The following PDE3A variants were observed in gnomAD, a reference collection of about 807,000 sequenced individuals.
PDE3A encodes cGMP-inhibited 3',5'-cyclic phosphodiesterase 3A.
A neutral mutation model predicts 98.3 loss-of-function variants in PDE3A; 43 were observed. The observed-to-expected ratio is 0.44, with a 90% confidence interval of 0.34 to 0.56. The LOEUF is 0.56. Among genes scored for constraint, PDE3A ranks in the 20% least tolerant of loss-of-function variants. The pLI is 0.01. For synonymous variants in PDE3A, 663 were observed against 567.9 expected, an observed-to-expected ratio of 1.17 and a Z score of -2.38; for missense variants, 1,427 against 1,440.7, an observed-to-expected ratio of 0.99 and a Z score of 0.15.
intron 1 of PDE3A, among the ~76,000 whole-genome samples, chr12:20,537,327 T>C (rs1214368544): frequency 6.6e-6 from 1 of 152,158 alleles, no homozygotes; most frequent in Non-Finnish European, 1.5e-5. Context: ...ATCAGATTTA[T>C]GATTTGACAA....
At position 20,395,527 on chromosome 12, in the gene PDE3A, C is replaced by G. The variant is rs139820594; in HGVS notation, c.960+25283C>G. On this transcript the variant is annotated intron_variant, in intron 1 of 15. Coordinates refer to ENST00000359062, the MANE Select transcript of PDE3A (RefSeq NM_000921.5). Reference sequence around the variant, plus strand: ...GTATAATATGTATACTATGTGTACACATAGTATAATATGTATACTATGTGT... The same window carrying G: ...GTATAATATGTATACTATGTGTACAGATAGTATAATATGTATACTATGTGT... 5.6e-4 allele frequency among the ~76,000 whole-genome samples: 81 copies of G among 145,706 alleles called. No homozygotes were observed. The East Asian group carries it at 0.011, about 19-fold the overall frequency.
rs115557863 is a variant in PDE3A, at chr12:20,533,798, C to T, written c.961-22862C>T. Among the ~76,000 whole-genome samples, 625 of 152,114 alleles carry T rather than the reference C, an allele frequency of 4.1e-3. 5 individuals carry two copies. The highest frequency in any genetic ancestry group is 0.014 in the African/African-American group (588 of 41,508). ...ACCGCGCCCGGCCCCCACTTTCTTA[C>T]ACTGTATCTTTCTAAAGAATAAGTC... On this transcript the variant is annotated intron_variant, in intron 1 of 15. Coordinates refer to ENST00000359062, the MANE Select transcript of PDE3A (RefSeq NM_000921.5).
At chr12:20,653,306 A>G (rs1830568518) in intron 14 of PDE3A, among the ~76,000 whole-genome samples, 1 of 152,192 alleles carries the variant, frequency 6.6e-6, no homozygotes, top group Non-Finnish European at 1.5e-5. Flanking sequence ...GCTTTCTGGA[A>G]GCCAAAGCAA....
intron 5 of PDE3A, among the ~76,000 whole-genome samples, chr12:20,628,080 T>A (rs945951604): frequency 6.6e-6 from 1 of 152,154 alleles, no homozygotes; most frequent in Non-Finnish European, 1.5e-5. Flanking sequence ...TTCCTTTATT[T>A]TATAAAATTA....
intron 12 of PDE3A, 94 bp from the exon 13 acceptor site, chr12:20,648,594 G>A: frequency 2.5e-6 from 2 of 796,686 alleles, no homozygotes; most frequent in Non-Finnish European, 4.4e-6. Flanking sequence ...TTTGTTGTAT[G>A]AATAAAAAGC....
chr12:20,558,216 AC>A (rs1942420062), intron 2 of PDE3A, among the ~76,000 whole-genome samples: 1 of 151,782 alleles, frequency 6.6e-6, no homozygotes, highest in African/African-American at 2.4e-5. Flanking sequence ...AAAAAAAAAA[AC>A]CTCACAATTG....
At chr12:20,474,024 G>C (rs777820875) in intron 1 of PDE3A, among the ~76,000 whole-genome samples, 15 of 152,036 alleles carry the variant, frequency 9.9e-5, no homozygotes, top group Non-Finnish European at 2.2e-4. Context: ...GGTTAAATAT[G>C]GTATGTGCTT....
At chr12:20,462,866 T>A (rs1945276451) in intron 1 of PDE3A, among the ~76,000 whole-genome samples, 1 of 151,998 alleles carries the variant, frequency 6.6e-6, no homozygotes, top group South Asian at 2.1e-4. Context: ...CATGGCTCAC[T>A]GTAGCCTTGA....
intron 15 of PDE3A, among the ~76,000 whole-genome samples, chr12:20,674,776 G>T (rs192509253): frequency 4.0e-5 from 6 of 151,846 alleles, no homozygotes; most frequent in African/African-American, 1.2e-4. Context: ...GTATTTCTGT[G>T]CTATCAGTTA....
At chr12:20,418,207 TC>T (rs1208663139) in intron 1 of PDE3A, among the ~76,000 whole-genome samples, 1 of 152,212 alleles carries the variant, frequency 6.6e-6, no homozygotes, top group Non-Finnish European at 1.5e-5. Flanking sequence ...TTTGAACTCC[TC>T]CTTCTGTAAG....
intron 1 of PDE3A, among the ~76,000 whole-genome samples, chr12:20,488,129 T>TG (rs1376885629): frequency 6.6e-6 from 1 of 152,076 alleles, no homozygotes; most frequent in African/African-American, 2.4e-5. Flanking sequence ...TCTTTACTCT[T>TG]GGGGGGCAAG....
At chr12:20,488,032 T>C (rs544745731) in intron 1 of PDE3A, among the ~76,000 whole-genome samples, 2 of 152,212 alleles carry the variant, frequency 1.3e-5, no homozygotes, top group Non-Finnish European at 2.9e-5. Context: ...CCTATTGACA[T>C]TGATACTATC....
rs956089135 is a variant in PDE3A at position 20,614,959 on chromosome 12, A to G, written c.1269+1259A>G. The stretch of plus-strand genomic sequence containing the variant: ...GTGTTATGACTGTTGCTGAAGTTAT[A>G]GGAAAAAGACCTTCGGTTTAACTTT... On this transcript the variant is annotated intron_variant, in intron 3 of 15. Transcript: ENST00000359062. Among the ~76,000 whole-genome samples, 9 of 150,856 alleles carry G rather than the reference A, an allele frequency of 6.0e-5. No homozygotes were observed. In the South Asian group the frequency reaches 1.1e-3, roughly 18 times the overall value.
chr12:20,476,009 A>G (rs1287905925), intron 1 of PDE3A, among the ~76,000 whole-genome samples: 1 of 152,198 alleles, frequency 6.6e-6, no homozygotes, highest in African/African-American at 2.4e-5. Context: ...TCATGCTACA[A>G]GTTATGTAGT....
intron 1 of PDE3A, chr12:20,551,905 G>T: frequency 1.2e-6 from 2 of 1,613,448 alleles, no homozygotes. Context: ...GGGGATCCCC[G>T]TGGGCACCAT....
intron 1 of PDE3A, among the ~76,000 whole-genome samples, chr12:20,400,378 GGTTTTTTTTTTTT>G (rs1565537285): frequency 7.5e-5 from 8 of 106,106 alleles, no homozygotes; most frequent in African/African-American, 3.3e-4. Context: ...CGTTAACATT[GGTTTTTTTTTTTT>G]TTTTTTTTTT....
intron 1 of PDE3A, among the ~76,000 whole-genome samples, chr12:20,446,520 C>A (rs12184495): frequency 0.32 from 49,217 of 151,958 alleles, 8,649 homozygotes; most frequent in Non-Finnish European, 0.39. Context: ...GTGGGGACAG[C>A]GTTCTTGTTA....
At chr12:20,592,828 A>C (rs1943371974) in intron 2 of PDE3A, among the ~76,000 whole-genome samples, 1 of 152,126 alleles carries the variant, frequency 6.6e-6, no homozygotes, top group Non-Finnish European at 1.5e-5. Flanking sequence ...GGGGTGGGGG[A>C]GTCACACTTT....
rs200072195 is a variant in PDE3A, at chr12:20,650,403, T to G, written c.2770-42T>G. ...TTTTCTCTTCTATTCAACTTTTGTT[T>G]TTATCAAAGCAAAACATATATTAAC... On this transcript the variant is annotated intron_variant, in intron 13 of 15. Transcript: ENST00000359062. 2.5e-5 allele frequency: 36 copies of G among 1,434,078 alleles called. No individual in the cohort carries two copies. The East Asian group carries it at 7.6e-4, about 30-fold the overall frequency. 88.8% of individuals were successfully genotyped at this position (1,434,078 alleles called of 1,614,324 possible).
Sources: allele counts gnomAD v4.1 joint callset (sites outside exome capture counted in the v4.1 genomes callset), GRCh38; gene constraint gnomAD v4.1.1; transcripts MANE v1.5; gene names NCBI Gene and HGNC (gene_info 2026-07-23, HGNC 2026-07-21).